The following SDK1 variants were observed in gnomAD, a reference collection of about 807,000 sequenced individuals.
SDK1 encodes sidekick cell adhesion molecule 1.
A neutral mutation model predicts 245.5 loss-of-function variants in SDK1; 157 were observed. The ratio of observed to expected loss-of-function variants is 0.64; its 90% CI spans 0.56 to 0.73. The LOEUF is 0.73. Ranked by LOEUF, SDK1 falls within the 30% of genes least tolerant of loss-of-function variation. The pLI, the probability that SDK1 is intolerant of heterozygous loss-of-function variation, is 0.00. For synonymous variants in SDK1, 1,647 were observed against 1,278.5 expected, an observed-to-expected ratio of 1.29 and a Z score of -6.15; for missense variants, 3,583 against 3,002.3, an observed-to-expected ratio of 1.19 and a Z score of -4.52.
chr7:4,149,271 C>A lies in SDK1; in HGVS notation c.4433C>A (p.Ala1478Glu). 1 of 1,525,340 alleles carries A rather than the reference C, an allele frequency of 6.6e-7. No homozygotes were observed. 94.5% of individuals were successfully genotyped at this position (1,525,340 alleles called of 1,614,324 possible). Reference sequence around the variant, plus strand: ...CCTCATTTGGTTGCAGAGCGGCCGGCACCCCCCAGAGAGCTCCTGGTGCCC... The same window carrying A: ...CCTCATTTGGTTGCAGAGCGGCCGGAACCCCCCAGAGAGCTCCTGGTGCCC... ...VITTEKRERP[A>E]PPRELLVPQA... is the part of the protein sequence containing the mutation. Residue 1478 changes from alanine (A) to glutamate (E), a missense_variant, in exon 30 of 45, where the codon GCA becomes GAA. Ala to Glu is a moderately radical substitution (Grantham distance 107). Coordinates refer to ENST00000404826, the MANE Select transcript of SDK1 (RefSeq NM_152744.4).
At chr7:4,104,815 G>A (rs987441397) in intron 22 of SDK1, among the ~76,000 whole-genome samples, 3 of 151,966 alleles carry the variant, frequency 2.0e-5, no homozygotes, top group Non-Finnish European at 4.4e-5. Context: ...TGATCCCCCT[G>A]CATCAGCCTC....
rs894391832 is a variant in SDK1, at chr7:3,355,773, T to G, written c.298+53889T>G. Among the ~76,000 whole-genome samples, 18 of 152,208 alleles carry G rather than the reference T, an allele frequency of 1.2e-4. 1 individual carries two copies. The highest frequency in any genetic ancestry group is 2.2e-4 in the Non-Finnish European group (15 of 68,042). ...CTAAACTCATCTATTAGTCCCAAAT[T>G]CTTTACCCATTTAATCTGCTATTTT... On this transcript the variant is annotated intron_variant, in intron 1 of 44. Coordinates refer to ENST00000404826, the MANE Select transcript of SDK1 (RefSeq NM_152744.4).
At chr7:3,338,161 G>C (rs150677636) in intron 1 of SDK1, 34 of 235,032 alleles carry the variant, frequency 1.4e-4, no homozygotes, top group Admixed American at 5.3e-4. Flanking sequence ...AGAGGCACCT[G>C]GTATGTTCTC....
At chr7:3,618,352 A>G (rs1482744740) in intron 1 of SDK1, among the ~76,000 whole-genome samples, 1 of 152,192 alleles carries the variant, frequency 6.6e-6, no homozygotes, top group Non-Finnish European at 1.5e-5. Flanking sequence ...CTCTGACACC[A>G]TAGATTAGTT....
intron 21 of SDK1, among the ~76,000 whole-genome samples, 162 bp downstream of exon 21, chr7:4,077,351 T>C (rs1025305068): frequency 4.6e-5 from 7 of 152,198 alleles, no homozygotes; most frequent in African/African-American, 1.7e-4. Flanking sequence ...TTGACCCCAC[T>C]TCAGCCCCAT....
chr7:3,326,225 C>T (rs896446481), intron 1 of SDK1, among the ~76,000 whole-genome samples: 12 of 152,002 alleles, frequency 7.9e-5, no homozygotes, highest in East Asian at 3.9e-4. Context: ...CCGTTGTGAA[C>T]ATTTTGGTGA....
chr7:3,712,957 A>G (rs984474818), intron 4 of SDK1, among the ~76,000 whole-genome samples: 1 of 152,178 alleles, frequency 6.6e-6, no homozygotes, highest in Non-Finnish European at 1.5e-5. Flanking sequence ...GTGAGCTGCA[A>G]ACCCATATGC....
intron 1 of SDK1, among the ~76,000 whole-genome samples, chr7:3,440,537 A>G (rs1462103171): frequency 6.6e-6 from 1 of 152,166 alleles, no homozygotes; most frequent in Non-Finnish European, 1.5e-5. Flanking sequence ...CAACTGTTGC[A>G]GTATCTCAGT....
intron 5 of SDK1, among the ~76,000 whole-genome samples, chr7:3,849,539 T>C (rs1780368395): frequency 6.6e-6 from 1 of 152,206 alleles, no homozygotes; most frequent in African/African-American, 2.4e-5. Context: ...ATATGTTCAA[T>C]GGTTGAGAGG....
At chr7:4,167,076 C>A (rs1288720828) in intron 32 of SDK1, among the ~76,000 whole-genome samples, 4 of 152,150 alleles carry the variant, frequency 2.6e-5, no homozygotes, top group Non-Finnish European at 5.9e-5. Context: ...GTGATAAAAC[C>A]CAGGCACACT....
At chr7:4,063,605 A>AAAAAAAAAAAAAAAAAAAAAAAAAAAC (rs1316706124) in intron 19 of SDK1, among the ~76,000 whole-genome samples, 2 of 151,358 alleles carry the variant, frequency 1.3e-5, no homozygotes, top group African/African-American at 4.9e-5. Flanking sequence ...AGCAAAAAAA[A>AAAAAAAAAAAAAAAAAAAAAAAAAAAC]AAAACAAAAA....
In SDK1 at chr7:3,863,684, A is replaced by C. The variant is rs149236922; in HGVS notation, c.847+42101A>C. 1.4e-4 allele frequency among the ~76,000 whole-genome samples: 21 copies of C among 152,334 alleles called. No homozygotes were observed. The East Asian group carries it at 4.1e-3, about 29-fold the overall frequency. On this transcript the variant is annotated intron_variant, in intron 5 of 44. Coordinates refer to ENST00000404826, the MANE Select transcript of SDK1 (RefSeq NM_152744.4). ...GAAGGTCATAGAAGCAGAATGATACAGTATGAGTCCTTTTATGACTGGCTT... is the reference window on the plus strand; with the variant it reads ...GAAGGTCATAGAAGCAGAATGATACCGTATGAGTCCTTTTATGACTGGCTT...
chr7:3,628,368 G>A (rs532304579), intron 2 of SDK1, among the ~76,000 whole-genome samples: 1 of 152,156 alleles, frequency 6.6e-6, no homozygotes, highest in East Asian at 1.9e-4. Context: ...GTAGAGATGG[G>A]ATCTCACTGT....
intron 1 of SDK1, among the ~76,000 whole-genome samples, chr7:3,483,980 A>G (rs575544320): frequency 6.6e-6 from 1 of 152,328 alleles, no homozygotes; most frequent in Admixed American, 6.5e-5. Flanking sequence ...TGATATTTTG[A>G]TATACGCATA....
At chr7:4,011,262 C>T (rs569650035) in intron 15 of SDK1, 149 bp downstream of exon 15, 204 of 1,030,250 alleles carry the variant, frequency 2.0e-4, no homozygotes, top group Non-Finnish European at 2.7e-4. Context: ...AAAAGCCTGT[C>T]GCAAAGAGGG....
At chr7:3,782,241 C>T (rs998221507) in intron 4 of SDK1, among the ~76,000 whole-genome samples, 6 of 152,142 alleles carry the variant, frequency 3.9e-5, no homozygotes, top group East Asian at 1.9e-4. Context: ...TGTCTCACAT[C>T]GCTAGAGCAG....
intron 4 of SDK1, among the ~76,000 whole-genome samples, chr7:3,778,158 A>G (rs908229563): frequency 4.6e-5 from 7 of 152,222 alleles, no homozygotes; most frequent in Admixed American, 1.3e-4. Flanking sequence ...CCAGTAGTGT[A>G]TAAAATGAAA....
chr7:3,652,550 T>G (rs1002438184), intron 4 of SDK1, among the ~76,000 whole-genome samples: 4 of 152,320 alleles, frequency 2.6e-5, no homozygotes, highest in Admixed American at 1.3e-4. Flanking sequence ...TCGTGGATTT[T>G]TATTTTCTCT....
intron 12 of SDK1, among the ~76,000 whole-genome samples, 179 bp from the exon 13 acceptor site, chr7:3,974,190 A>G (rs1782707492): frequency 6.6e-6 from 1 of 151,684 alleles, no homozygotes; most frequent in Non-Finnish European, 1.5e-5. Flanking sequence ...TCTCAAAAAA[A>G]AAAAAAAAAA....
Sources: gnomAD v4.1 joint callset for allele counts (sites outside exome capture counted in the v4.1 genomes callset) on GRCh38, gnomAD v4.1.1 for gene constraint, MANE v1.5 for transcripts, NCBI Gene and HGNC (gene_info 2026-07-23, HGNC 2026-07-21) for gene names.